KIAA1755: variants seen among roughly 807,000 people sequenced by gnomAD.
The protein encoded by KIAA1755 is uncharacterized protein KIAA1755.
Under a neutral mutation model 91.7 loss-of-function variants are expected in KIAA1755, and 68 were observed. The observed-to-expected ratio is 0.74, with a 90% CI of 0.61 to 0.91. The LOEUF (loss-of-function observed/expected upper bound fraction) is 0.91, where lower values mean the gene tolerates loss of function less well. KIAA1755 is among the 40% of genes least tolerant of loss of function. The pLI, the probability that KIAA1755 is intolerant of heterozygous loss-of-function variation, is 0.00. For missense variants in KIAA1755, 1,535 were observed against 1,494.4 expected, an observed-to-expected ratio of 1.03 and a Z score of -0.45; for synonymous variants, 610 against 604.6, an observed-to-expected ratio of 1.01 and a Z score of -0.13.
intron 1 of KIAA1755, among the ~76,000 whole-genome samples, chr20:38,248,909 CT>C (rs1216957816): frequency 6.6e-6 from 1 of 151,934 alleles, no homozygotes; most frequent in African/African-American, 2.4e-5. Flanking sequence ...AGATCTTGCT[CT>C]GTTGCCCAGA....
At chr20:38,224,977 G>A (rs750737431) in intron 8 of KIAA1755, among the ~76,000 whole-genome samples, 3 of 152,088 alleles carry the variant, frequency 2.0e-5, no homozygotes, top group Non-Finnish European at 2.9e-5. Flanking sequence ...GCAAGTGCCT[G>A]TAAATTTATT....
intron 8 of KIAA1755, among the ~76,000 whole-genome samples, chr20:38,225,344 C>T (rs978426454): frequency 3.9e-5 from 6 of 152,102 alleles, no homozygotes; most frequent in Admixed American, 1.3e-4. Context: ...GCTCTTTACC[C>T]GTATTAACTA....
chr20:38,257,448 T>C (rs2076357531), intron 1 of KIAA1755, among the ~76,000 whole-genome samples: 1 of 151,888 alleles, frequency 6.6e-6, no homozygotes, highest in South Asian at 2.1e-4. Context: ...GGGCCTAGTG[T>C]CACACACCTA....
intron 1 of KIAA1755, among the ~76,000 whole-genome samples, chr20:38,259,976 T>C (rs896181773): frequency 1.4e-4 from 21 of 152,144 alleles, no homozygotes; most frequent in African/African-American, 4.6e-4. Context: ...TGACTTTCCA[T>C]AGCTGAGTCT....
chr20:38,251,567 CTTTT>C (rs35945102), intron 1 of KIAA1755, among the ~76,000 whole-genome samples: 1 of 137,586 alleles, frequency 7.3e-6, no homozygotes, highest in Admixed American at 7.3e-5. Flanking sequence ...CTATTATAGT[CTTTT>C]TTTTTTTTTT....
chr20:38,220,437 C>T (rs958832476), intron 10 of KIAA1755, among the ~76,000 whole-genome samples: 25 of 152,000 alleles, frequency 1.6e-4, no homozygotes, highest in African/African-American at 6.0e-4. Flanking sequence ...GCCTCAGCCT[C>T]CTGGGTAGCT....
At chr20:38,260,319 G>C in intron 1 of KIAA1755, 179 bp downstream of exon 1, 1 of 1,554,838 alleles carries the variant, frequency 6.4e-7, no homozygotes, top group East Asian at 2.4e-5. Flanking sequence ...GGCCAGAGAT[G>C]GGCTCCTGCC....
rs1276980611 is a variant in KIAA1755, at chr20:38,241,081, C to T, written c.1050G>A (p.Leu350=). 2.5e-6 allele frequency: 4 copies of T among 1,614,016 alleles called. No individual in the cohort carries two copies. The highest frequency in any genetic ancestry group is 3.4e-6 in the Non-Finnish European group (4 of 1,180,038). The change falls in exon 3 of 14, where the codon TTG becomes TTA. Residue 350 remains leucine (L), a synonymous_variant. Coordinates refer to ENST00000279024, the MANE Select transcript of KIAA1755 (RefSeq NM_001029864.2). The part of the protein sequence containing the change: ...PESSEERPYN[L]GFRRKVNLKA... ...TAAGATTGACCTTTCTCCTGAAGCC[C>T]AAATTATAGGGCCTCTCCTCAGAGC...
intron 10 of KIAA1755, among the ~76,000 whole-genome samples, chr20:38,220,882 C>A (rs115199505): frequency 0.013 from 1,992 of 152,244 alleles, 38 homozygotes; most frequent in African/African-American, 0.045. Context: ...GCTGTTTCTG[C>A]ACATAATTTT....
chr20:38,245,752 C>T (rs1348983659), intron 2 of KIAA1755, among the ~76,000 whole-genome samples, 177 bp downstream of exon 2: 11 of 152,184 alleles, frequency 7.2e-5, no homozygotes, highest in African/African-American at 9.7e-5. Context: ...AAATCCCCTT[C>T]GATCTGGGGG....
In KIAA1755 at chr20:38,213,249, C is replaced by T. The variant is rs1439519365; in HGVS notation, c.3396G>A (p.Gln1132=). The change falls in exon 14 of 14, where the codon CAG becomes CAA. Residue 1132 remains glutamine (Q), a synonymous_variant. Coordinates refer to ENST00000279024, the MANE Select transcript of KIAA1755 (RefSeq NM_001029864.2). Reference sequence around the variant, plus strand: ...CTTTGCCGTCTTCAGCCTCTGCAGCCTGGCCAGCTTCCTGGGGTGGAGAGC... The same window carrying T: ...CTTTGCCGTCTTCAGCCTCTGCAGCTTGGCCAGCTTCCTGGGGTGGAGAGC... ...QAGSPPQEAG[Q]AAEAEDGKGS... 2 of 1,613,370 alleles carry T rather than the reference C, an allele frequency of 1.2e-6. No homozygotes were observed. The highest frequency in any genetic ancestry group is 1.7e-6 in the Non-Finnish European group (2 of 1,180,022).
chr20:38,249,544 G>A (rs2076211664), intron 1 of KIAA1755, among the ~76,000 whole-genome samples: 1 of 152,200 alleles, frequency 6.6e-6, no homozygotes, highest in African/African-American at 2.4e-5. Flanking sequence ...AGCCCACACA[G>A]TGCTGGGCGC....
chr20:38,252,924 C>T (rs906091357), intron 1 of KIAA1755, among the ~76,000 whole-genome samples: 10 of 152,160 alleles, frequency 6.6e-5, no homozygotes, highest in Admixed American at 3.9e-4. Context: ...CAGGAAGGAA[C>T]GCTAGCCACT....
chr20:38,239,858 C>A (rs569291255), intron 3 of KIAA1755, 133 bp from the exon 4 acceptor site: 2 of 837,354 alleles, frequency 2.4e-6, no homozygotes, highest in Non-Finnish European at 3.8e-6. Context: ...CCAGGCATTG[C>A]GCTAAGCCCC....
At chr20:38,244,014 T>A (rs2076112074) in intron 2 of KIAA1755, among the ~76,000 whole-genome samples, 1 of 152,290 alleles carries the variant, frequency 6.6e-6, no homozygotes, top group Admixed American at 6.5e-5. Flanking sequence ...ACCTGGGGCA[T>A]CTGAACCCAG....
chr20:38,228,189 C>T lies in KIAA1755; in HGVS notation c.1923G>A (p.Gln641=). Residue 641 remains glutamine, a synonymous_variant, in exon 6 of 14, where the codon CAG becomes CAA. Coordinates refer to ENST00000279024, the MANE Select transcript of KIAA1755 (RefSeq NM_001029864.2). The part of the protein sequence containing the change: ...GLAVLIDARR[Q]PPQPGLVSAL... ...CGCTGACCAGACCGGGCTGTGGGGGCTGTCTCCTGGCGTCAATCAGGACCG... is the reference window on the plus strand; with the variant it reads ...CGCTGACCAGACCGGGCTGTGGGGGTTGTCTCCTGGCGTCAATCAGGACCG... The T allele has an allele frequency of 6.2e-7, 1 of 1,604,956 alleles. No individual in the cohort carries two copies. Among genetic ancestry groups the T allele is most frequent in the African/African-American group, 1.3e-5 (1 of 74,880 alleles).
intron 8 of KIAA1755, among the ~76,000 whole-genome samples, 191 bp from the exon 9 acceptor site, chr20:38,223,827 G>A (rs2075706516): frequency 1.3e-5 from 2 of 152,176 alleles, no homozygotes; most frequent in African/African-American, 4.8e-5. Flanking sequence ...CAGTTCCTCT[G>A]GGGCGAGGCA....
rs984212930 is a variant in KIAA1755 at position 38,225,768 on chromosome 20, G to T, written c.2066C>A (p.Thr689Asn). The change falls in exon 8 of 14, where the codon ACC becomes AAC. Residue 689 changes from threonine (T) to asparagine (N), a missense_variant. Coordinates refer to ENST00000279024, the MANE Select transcript of KIAA1755 (RefSeq NM_001029864.2). The part of the protein sequence containing the change: ...TLPDVQVEVL[T>N]SLKALSHHVD... ...ATGGTGGCTGAGGGCCTTCAATGAG[G>T]TCAGCACCTCCACCTGCAGACCAAA... 1.3e-6 allele frequency: 2 copies of T among 1,562,720 alleles called. No individual in the cohort carries two copies. The highest frequency in any genetic ancestry group is 1.7e-6 in the Non-Finnish European group (2 of 1,158,670).
rs370941806 is a variant in KIAA1755, at chr20:38,228,187, G to T, written c.1925C>A (p.Pro642His). The T allele has an allele frequency of 1.2e-6, 2 of 1,604,978 alleles. No homozygotes were observed. The highest frequency in any genetic ancestry group is 1.7e-6 in the Non-Finnish European group (2 of 1,176,268). Residue 642 changes from proline to histidine, a missense_variant, in exon 6 of 14, where the codon CCC becomes CAC. By Grantham distance (77) the Pro-to-His change is moderately conservative. Transcript: ENST00000279024. ...GGCGCTGACCAGACCGGGCTGTGGG[G>T]GCTGTCTCCTGGCGTCAATCAGGAC... ...LAVLIDARRQPPQPGLVSALQ... is the reference protein window; with the variant it reads ...LAVLIDARRQHPQPGLVSALQ...
Sources: gnomAD v4.1 joint callset for allele counts (sites outside exome capture counted in the v4.1 genomes callset) on GRCh38, gnomAD v4.1.1 for gene constraint, MANE v1.5 for transcripts, NCBI Gene and HGNC (gene_info 2026-07-23, HGNC 2026-07-21) for gene names.